The following PRKDC variants were observed in gnomAD, a reference collection of about 807,000 sequenced individuals.
PRKDC encodes DNA-dependent protein kinase catalytic subunit.
Under a neutral mutation model 486.9 loss-of-function variants are expected in PRKDC, and 82 were observed. The ratio of observed to expected loss-of-function variants is 0.17; its 90% confidence interval spans 0.14 to 0.20. PRKDC has a LOEUF of 0.20. Among genes scored for constraint, PRKDC ranks in the 10% least tolerant of loss-of-function variants. The pLI is 1.00. For synonymous variants in PRKDC, 1,895 were observed against 1,837.0 expected (o/e 1.03, Z -0.81); for missense variants, 4,504 against 5,038.2 (o/e 0.89, Z 3.21).
At chr8:47,868,568 ATAATAAAT>A (rs1322321146) in intron 40 of PRKDC, among the ~76,000 whole-genome samples, 1 of 152,166 alleles carries the variant, frequency 6.6e-6, no homozygotes, top group Admixed American at 6.5e-5. Flanking sequence ...TATCTCAAAA[ATAATAAAT>A]GAATGAATGA....
At position 47,933,071 on chromosome 8, in the gene PRKDC, A is replaced by C. The variant is rs780119457; in HGVS notation, c.1725T>G (p.Ile575Met). The C allele has an allele frequency of 1.9e-6, 3 of 1,596,490 alleles. No individual in the cohort carries two copies. Among genetic ancestry groups the C allele is most frequent in the Non-Finnish European group, 8.5e-7 (1 of 1,173,248 alleles). Residue 575 changes from isoleucine (I) to methionine (M), a missense_variant, in exon 16 of 86, where the codon ATT (isoleucine) becomes ATG (methionine). Transcript: ENST00000314191. ...YDEFVKSVLK[I>M]VEKLDLTLEI... ...CAAGTGTAAGATCCAATTTCTCAAC[A>C]ATCTTCAAAACGGATTTTACAAATT... is the stretch of plus-strand genomic sequence containing the variant.
In PRKDC at chr8:47,877,768, G is replaced by T. The variant is rs2154501314; in HGVS notation, c.5319C>A (p.Val1773=). The T allele has an allele frequency of 1.3e-6, 2 of 1,595,936 alleles. No homozygotes were observed. Among genetic ancestry groups the T allele is most frequent in the Non-Finnish European group, 1.7e-6 (2 of 1,170,264 alleles). ...TEVLCREQQH[V]MEELFQSSFR... is the part of the protein sequence containing the mutation. Reference sequence around the variant, plus strand: ...AACTGGATTGAAATAATTCTTCCATGACATGCTGCTGTTCCCGACAAAGAA... The same window carrying T: ...AACTGGATTGAAATAATTCTTCCATTACATGCTGCTGTTCCCGACAAAGAA... Residue 1773 remains valine (V), a synonymous_variant, in exon 40 of 86, where the codon GTC becomes GTA. Transcript: ENST00000314191.
chr8:47,869,484 C>A lies in PRKDC; in HGVS notation c.5364-4721G>T, dbSNP rs377294941. Among the ~76,000 whole-genome samples the A allele has an allele frequency of 3.9e-3, 585 of 151,802 alleles. 4 individuals are homozygous for A. The highest frequency in any genetic ancestry group is 0.025 in the South Asian group (120 of 4,808). ...TCTGATGGGATTCATCACCTACTGA[C>A]TAAAGAGCCTTTGGGTGACGAATTA... On this transcript the variant is annotated intron_variant, in intron 40 of 85. Coordinates refer to ENST00000314191, the MANE Select transcript of PRKDC (RefSeq NM_006904.7).
At chr8:47,835,664 A>C (rs1479511359) in intron 58 of PRKDC, among the ~76,000 whole-genome samples, 1 of 150,988 alleles carries the variant, frequency 6.6e-6, no homozygotes, top group East Asian at 1.9e-4. Flanking sequence ...AATATACATA[A>C]AATTTACCAT....
intron 38 of PRKDC, 27 bp downstream of exon 38, chr8:47,881,389 C>T: frequency 7.8e-7 from 1 of 1,284,686 alleles, no homozygotes; most frequent in South Asian, 1.3e-5. Flanking sequence ...GAATGTAATC[C>T]AAAAAAATAA....
intron 7 of PRKDC, among the ~76,000 whole-genome samples, chr8:47,946,578 CTT>C (rs2090535439): frequency 6.6e-6 from 1 of 152,110 alleles, no homozygotes; most frequent in African/African-American, 2.4e-5. Flanking sequence ...TCAGCACTCT[CTT>C]GAGACCCTCC....
chr8:47,935,900 C>T lies in PRKDC; in HGVS notation c.1279G>A (p.Val427Ile). 6.2e-7 allele frequency: 1 copy of T among 1,611,124 alleles called. No individual in the cohort carries two copies. The highest frequency in any genetic ancestry group is 8.5e-7 in the Non-Finnish European group (1 of 1,178,408). Residue 427 changes from valine to isoleucine, a missense_variant and splice_region_variant, in exon 13 of 86, where the codon GTT becomes ATT. Coordinates refer to ENST00000314191, the MANE Select transcript of PRKDC (RefSeq NM_006904.7). ...AGAACTGGAGTATACACCTCAGGAA[C>T]CTACCGGAAATAATCAGCAAACCGT... ...VASVLLYLDTVPEVYTPVLEH... is the reference protein window; with the variant it reads ...VASVLLYLDTIPEVYTPVLEH...
rs376488016 is a variant in PRKDC at position 47,803,384 on chromosome 8, G to T, written c.9844C>A (p.Arg3282Ser). Reference sequence around the variant, plus strand: ...GACCGGCTCCGGCAGTGGCTCAGGCGGCAGTAGCTCTGCACCCAGCTCACC... The same window carrying T: ...GACCGGCTCCGGCAGTGGCTCAGGCTGCAGTAGCTCTGCACCCAGCTCACC... Reference protein sequence around the residue: ...WLVSWVQSYCRLSHCRSRSQG... With the variant: ...WLVSWVQSYCSLSHCRSRSQG... The change falls in exon 70 of 86, where the codon CGC becomes AGC. Residue 3282 changes from arginine (R) to serine (S), a missense_variant. Physicochemically the swap from Arg to Ser is moderately radical, Grantham distance 110 (BLOSUM62 -1). Around this residue, in one of 6 missense-constraint regions of PRKDC, gnomAD observed 1,592 missense variants for 1,724.6 expected, o/e 0.92. Transcript: ENST00000314191. 1.2e-6 allele frequency: 2 copies of T among 1,613,842 alleles called. No individual in the cohort carries two copies. The highest frequency in any genetic ancestry group is 4.5e-5 in the East Asian group (2 of 44,868).
At position 47,895,710 on chromosome 8, in the gene PRKDC, TA is replaced by T. The variant is rs894086160; in HGVS notation, c.3598+1450del. Among the ~76,000 whole-genome samples the T allele has an allele frequency of 6.8e-5, 10 of 148,088 alleles. No homozygotes were observed. The East Asian group carries it at 7.9e-4, about 12-fold the overall frequency. On this transcript the variant is annotated intron_variant, in intron 30 of 85. Coordinates refer to ENST00000314191, the MANE Select transcript of PRKDC (RefSeq NM_006904.7). ...GTTGCTGTGAGAATGACTTAACATA[TA>T]AAAAAAAAAGTTGTTAGCTAAACAC...
Position 47,935,739 on chromosome 8 carries a change from A to G in PRKDC, c.1440T>C (p.Ser480=). ...AATAAATTGCAAACTTACCCACAGT[A>G]CTAATGCAATTCCTGAGAACTGGCC... ...AKGPVLRNCI[S]TVVHQGLIRI... is the part of the protein sequence containing the mutation. Residue 480 remains serine (S), a synonymous_variant, in exon 13 of 86, where the codon AGT becomes AGC. Transcript: ENST00000314191. 1 of 1,613,858 alleles carries G rather than the reference A, an allele frequency of 6.2e-7. No individual in the cohort carries two copies. Among genetic ancestry groups the G allele is most frequent in the South Asian group, 1.1e-5 (1 of 91,078 alleles).
At chr8:47,902,005 G>C (rs2154502334) in intron 27 of PRKDC, among the ~76,000 whole-genome samples, 1 of 152,224 alleles carries the variant, frequency 6.6e-6, no homozygotes, top group South Asian at 2.1e-4. Context: ...AAATCTAAAT[G>C]CATCTCTCCC....
chr8:47,955,746 C>G (rs1259543902), intron 4 of PRKDC, 128 bp downstream of exon 4: 2 of 669,800 alleles, frequency 3.0e-6, no homozygotes, highest in Admixed American at 3.2e-5. Flanking sequence ...TGCATCTTAC[C>G]CACACATCAA....
intron 7 of PRKDC, among the ~76,000 whole-genome samples, chr8:47,949,501 C>T (rs571764991): frequency 6.6e-6 from 1 of 152,306 alleles, no homozygotes; most frequent in South Asian, 2.1e-4. Context: ...CTACTATTTT[C>T]CTTCCACTAT....
At chr8:47,934,179 A>C in intron 14 of PRKDC, 89 bp from the exon 15 acceptor site, 1 of 1,418,476 alleles carries the variant, frequency 7.0e-7, no homozygotes, top group Non-Finnish European at 9.5e-7. Context: ...AGAATTTTCT[A>C]AATTAAACTG....
intron 31 of PRKDC, among the ~76,000 whole-genome samples, chr8:47,892,363 C>T (rs1206024613): frequency 6.6e-6 from 1 of 152,162 alleles, no homozygotes; most frequent in East Asian, 1.9e-4. Context: ...CACGGTCTCA[C>T]TCTATCGCCC....
chr8:47,864,594 C>G lies in PRKDC; in HGVS notation c.5533G>C (p.Val1845Leu). 6.2e-7 allele frequency: 1 copy of G among 1,610,364 alleles called. No individual in the cohort carries two copies. Among genetic ancestry groups the G allele is most frequent in the Non-Finnish European group, 8.5e-7 (1 of 1,178,670 alleles). Residue 1845 changes from valine (V) to leucine (L), a missense_variant, in exon 41 of 86, where the codon GTG becomes CTG. This residue lies in a region of PRKDC where 1,969 missense variants were observed against 2,068.9 expected (regional missense o/e 0.95). Coordinates refer to ENST00000314191, the MANE Select transcript of PRKDC (RefSeq NM_006904.7). ...GACTTCAACACATCAATGGCATCCA[C>G]CACAATTGTGCTGAAGAATTCTCTC... ...ALREFFSTIV[V>L]DAIDVLKSRF...
Position 47,919,362 on chromosome 8 carries a change from A to G in PRKDC, c.2420-979T>C, listed in dbSNP as rs184595371. ...TGCATTTGTCTAATGTTTTCTCATG[A>G]TTAGACTCAGGTTATGGGAACCAGT... On this transcript the variant is annotated intron_variant, in intron 21 of 85. Coordinates refer to ENST00000314191, the MANE Select transcript of PRKDC (RefSeq NM_006904.7). Among the ~76,000 whole-genome samples the G allele has an allele frequency of 8.2e-4, 125 of 152,338 alleles. 1 individual carries two copies. The highest frequency in any genetic ancestry group is 2.9e-5 in the Non-Finnish European group (2 of 68,036).
chr8:47,851,602 C>G (rs1385236013), intron 52 of PRKDC, among the ~76,000 whole-genome samples: 1 of 152,224 alleles, frequency 6.6e-6, no homozygotes, highest in Non-Finnish European at 1.5e-5. Flanking sequence ...GGACTCTACT[C>G]TGTCCTTTCT....
At chr8:47,907,744 G>A (rs1304404518) in intron 25 of PRKDC, among the ~76,000 whole-genome samples, 6 of 151,448 alleles carry the variant, frequency 4.0e-5, no homozygotes, top group Admixed American at 6.6e-5. Context: ...CATGTTGGCC[G>A]GGCTGGTCTC....
Sources: gnomAD v4.1 joint callset for allele counts (sites outside exome capture counted in the v4.1 genomes callset) on GRCh38, gnomAD v4.1.1 for gene constraint, gnomAD v4.1.1 regional missense constraint, MANE v1.5 for transcripts, NCBI Gene and HGNC (gene_info 2026-07-23, HGNC 2026-07-21) for gene names.